Variants in BCAS3 observed in about 807,000 individuals in gnomAD.
The protein encoded by BCAS3 is BCAS4/BCAS3 fusion.
A neutral mutation model predicts 116.1 loss-of-function variants in BCAS3; 53 were observed. The observed-to-expected ratio is 0.46, with a 90% CI of 0.37 to 0.57. BCAS3 has a LOEUF of 0.57. BCAS3 is among the 20% of genes least tolerant of loss of function. The probability of loss-of-function intolerance (pLI) is 0.00; values close to 1 mark genes in which losing one functional copy is unlikely to be tolerated. For missense variants in BCAS3, 917 were observed against 1,165.4 expected (o/e 0.79, Z 3.10); for synonymous variants, 391 against 408.2 (o/e 0.96, Z 0.51).
Position 61,104,088 on chromosome 17 carries a change from G to A in BCAS3, c.2425+19524G>A, listed in dbSNP as rs545365164. On this transcript the variant is annotated intron_variant, in intron 22 of 23. Transcript: ENST00000407086. This position sits in a 1 kb window ranked among gnomAD's most constrained non-coding sequence, Gnocchi z 4.1. The stretch of plus-strand genomic sequence containing the variant: ...TTTCTTATGATACGTTGGAATAAAA[G>A]AAAAAACTTTTCTAAAGTTACAAAT... Among the ~76,000 whole-genome samples, 7 of 152,170 alleles carry A rather than the reference G, an allele frequency of 4.6e-5. No homozygotes were observed. The highest frequency in any genetic ancestry group is 1.4e-4 in the African/African-American group (6 of 41,520).
intron 7 of BCAS3, among the ~76,000 whole-genome samples, chr17:60,819,841 T>C (rs561715432): frequency 6.6e-6 from 1 of 152,102 alleles, no homozygotes; most frequent in South Asian, 2.1e-4. Flanking sequence ...TAGCTCACTG[T>C]AGCCTCAAAC....
At chr17:61,230,722 T>A (rs2082625841) in intron 22 of BCAS3, among the ~76,000 whole-genome samples, 1 of 152,204 alleles carries the variant, frequency 6.6e-6, no homozygotes, top group African/African-American at 2.4e-5. Context: ...TCCATGTCTT[T>A]ACTATTGTGA....
intron 5 of BCAS3, among the ~76,000 whole-genome samples, chr17:60,723,866 C>G: frequency 6.6e-6 from 1 of 150,674 alleles, no homozygotes; most frequent in African/African-American, 2.4e-5. Flanking sequence ...CTACAGGCAC[C>G]CGCCACCATG....
At chr17:60,758,659 G>A (rs1353806889) in intron 6 of BCAS3, among the ~76,000 whole-genome samples, 3 of 152,138 alleles carry the variant, frequency 2.0e-5, no homozygotes, top group Non-Finnish European at 4.4e-5. Flanking sequence ...TGGGGTTACA[G>A]GCATGAGCCA....
In BCAS3 at chr17:61,204,739, T is replaced by C. The variant is rs1280272125; in HGVS notation, c.2425+120175T>C. Among the ~76,000 whole-genome samples, 3 of 152,030 alleles carry C rather than the reference T, an allele frequency of 2.0e-5. No individual in the cohort carries two copies. The highest frequency in any genetic ancestry group is 4.4e-5 in the Non-Finnish European group (3 of 67,996). On this transcript the variant is annotated intron_variant, in intron 22 of 23. Coordinates refer to ENST00000407086, the MANE Select transcript of BCAS3 (RefSeq NM_017679.5). This position sits in a 1 kb window ranked among gnomAD's most constrained non-coding sequence, Gnocchi z 4.2. ...TGCCTTGGAACTTATTAATAAGCAT[T>C]TAGAAAAACTCGACAAAAAATTAAA... is the stretch of plus-strand genomic sequence containing the variant.
chr17:60,766,613 C>T (rs913013526), intron 6 of BCAS3, among the ~76,000 whole-genome samples: 8 of 152,308 alleles, frequency 5.3e-5, no homozygotes, highest in Non-Finnish European at 7.4e-5. Flanking sequence ...CATTCGGCCC[C>T]TACTGGGAGG....
At chr17:61,150,186 T>G (rs183961642) in intron 22 of BCAS3, among the ~76,000 whole-genome samples, 20 of 152,340 alleles carry the variant, frequency 1.3e-4, no homozygotes, top group Non-Finnish European at 2.2e-4. Context: ...GTCTATTGAT[T>G]GGTCAGGAAG....
chr17:60,929,704 T>A (rs899988313), intron 13 of BCAS3, among the ~76,000 whole-genome samples: 2 of 140,322 alleles, frequency 1.4e-5, no homozygotes, highest in Non-Finnish European at 3.1e-5. Context: ...TATCTCCTAA[T>A]GCTATCCCTC....
At chr17:60,940,210 T>G (rs1025852892) in intron 13 of BCAS3, among the ~76,000 whole-genome samples, 1 of 152,168 alleles carries the variant, frequency 6.6e-6, no homozygotes, top group African/African-American at 2.4e-5. Flanking sequence ...GATTTCTAAT[T>G]TATGTTGGTT....
rs190979731 is a variant in BCAS3, at chr17:61,130,398, A to G, written c.2425+45834A>G. 5.3e-5 allele frequency among the ~76,000 whole-genome samples: 8 copies of G among 152,248 alleles called. No homozygotes were observed. The highest frequency in any genetic ancestry group is 4.6e-4 in the Admixed American group (7 of 15,280). On this transcript the variant is annotated intron_variant, in intron 22 of 23. Coordinates refer to ENST00000407086, the MANE Select transcript of BCAS3 (RefSeq NM_017679.5). The surrounding 1 kb of genome is among the most constrained non-coding windows in gnomAD (Gnocchi z 5.0). Reference sequence around the variant, plus strand: ...AACCACAATACAACCCAAGACCCCAATCATTAGAATAACCACAAAACCGAT... The same window carrying G: ...AACCACAATACAACCCAAGACCCCAGTCATTAGAATAACCACAAAACCGAT...
intron 15 of BCAS3, among the ~76,000 whole-genome samples, chr17:61,000,988 C>G (rs1009482545): frequency 6.6e-6 from 1 of 152,116 alleles, no homozygotes; most frequent in African/African-American, 2.4e-5. Flanking sequence ...TGTCATGGGA[C>G]TTAGAAGGAA....
chr17:61,297,840 T>C (rs2053071743), intron 22 of BCAS3, among the ~76,000 whole-genome samples: 1 of 152,268 alleles, frequency 6.6e-6, no homozygotes, highest in Admixed American at 6.5e-5. Flanking sequence ...TAGCACATTC[T>C]ACTTTTCTCT....
intron 13 of BCAS3, among the ~76,000 whole-genome samples, chr17:60,939,344 A>T (rs1370447249): frequency 6.6e-6 from 1 of 152,132 alleles, no homozygotes; most frequent in Admixed American, 6.5e-5. Context: ...GAGACAGGAG[A>T]ATCACTTGAA....
At chr17:60,817,178 T>C (rs2049505606) in intron 7 of BCAS3, among the ~76,000 whole-genome samples, 1 of 152,206 alleles carries the variant, frequency 6.6e-6, no homozygotes, top group South Asian at 2.1e-4. Context: ...TTCTAGTGTT[T>C]TGTTTCGTTG....
chr17:61,041,704 GATTTT>G lies in BCAS3; in HGVS notation c.2029+820_2029+824del, dbSNP rs1318754013. Among the ~76,000 whole-genome samples the G allele has an allele frequency of 1.3e-5, 2 of 151,936 alleles. No homozygotes were observed. Among genetic ancestry groups the G allele is most frequent in the African/African-American group, 2.4e-5 (1 of 41,400 alleles). On this transcript the variant is annotated intron_variant, in intron 19 of 23. Transcript: ENST00000407086. This position sits in a 1 kb window ranked among gnomAD's most constrained non-coding sequence, Gnocchi z 4.7. ...GCATGAATTAAAATAGTTGTCGAAT[GATTTT>G]ATTTTATCTTTATAATGTGCTATAT...
intron 22 of BCAS3, among the ~76,000 whole-genome samples, chr17:61,280,358 A>G (rs990472343): frequency 3.3e-5 from 5 of 152,196 alleles, no homozygotes; most frequent in Admixed American, 3.3e-4. Context: ...GTCCACCTCA[A>G]AGACAGTTAT....
intron 14 of BCAS3, among the ~76,000 whole-genome samples, chr17:60,987,857 C>G (rs538343925): frequency 1.3e-4 from 20 of 152,198 alleles, no homozygotes; most frequent in African/African-American, 4.3e-4. Flanking sequence ...ACTTCCGGTA[C>G]TTTGTTGAAT....
In BCAS3 at chr17:61,208,441, A is replaced by C. The variant is rs1403879745; in HGVS notation, c.2425+123877A>C. Among the ~76,000 whole-genome samples, 1 of 152,172 alleles carries C rather than the reference A, an allele frequency of 6.6e-6. No individual in the cohort carries two copies. The highest frequency in any genetic ancestry group is 2.4e-5 in the African/African-American group (1 of 41,438). On this transcript the variant is annotated intron_variant, in intron 22 of 23. Transcript: ENST00000407086. This position sits in a 1 kb window ranked among gnomAD's most constrained non-coding sequence, Gnocchi z 4.5. ...ACCGAAGAAATGAAATGTGCTAGTA[A>C]GTGTCGTTAAAAAACTGAGAGTTTT... is the stretch of plus-strand genomic sequence containing the variant.
At chr17:60,889,325 TATC>T in intron 9 of BCAS3, among the ~76,000 whole-genome samples, 1 of 152,352 alleles carries the variant, frequency 6.6e-6, no homozygotes, top group Non-Finnish European at 1.5e-5. Flanking sequence ...GAACCCATCA[TATC>T]ATTTCTCTCT....
Sources: gnomAD v4.1 joint callset for allele counts (sites outside exome capture counted in the v4.1 genomes callset) on GRCh38, gnomAD v4.1.1 for gene constraint, Gnocchi (gnomAD v3.1) non-coding constraint, MANE v1.5 for transcripts, NCBI Gene and HGNC (gene_info 2026-07-23, HGNC 2026-07-21) for gene names.